Variants in SRGAP3 observed in about 807,000 individuals in gnomAD.
The protein encoded by SRGAP3 is SLIT-ROBO Rho GTPase-activating protein 3.
Under a neutral mutation model 121.1 loss-of-function variants are expected in SRGAP3, and 39 were observed. That is an observed-to-expected ratio of 0.32 (90% CI 0.25 to 0.42). The LOEUF is 0.42. Ranked by LOEUF, SRGAP3 falls within the 10% of genes least tolerant of loss-of-function variation. The pLI is 1.00. For synonymous variants in SRGAP3, 601 were observed against 570.0 expected, an observed-to-expected ratio of 1.05 and a Z score of -0.77; for missense variants, 1,213 against 1,470.6, an observed-to-expected ratio of 0.82 and a Z score of 2.86.
At chr3:8,992,842 T>C in intron 20 of SRGAP3, 64 bp downstream of exon 20, 1 of 1,613,366 alleles carries the variant, frequency 6.2e-7, no homozygotes, top group Non-Finnish European at 8.5e-7. Context: ...CCCTTGTGCT[T>C]CTCCCAAATC....
intron 1 of SRGAP3, among the ~76,000 whole-genome samples, chr3:9,226,999 C>A (rs1056812815): frequency 6.6e-6 from 1 of 152,120 alleles, no homozygotes; most frequent in African/African-American, 2.4e-5. Flanking sequence ...AAAAAACCCA[C>A]CTGCCCACAG....
chr3:9,249,699 T>C (rs2125249555), upstream of SRGAP3: 1 of 231,484 alleles, frequency 4.3e-6, no homozygotes, highest in South Asian at 1.8e-4. Context: ...GTCACTAGAC[T>C]CCGCCTCCCG....
chr3:9,204,060 C>T (rs1560411729), intron 1 of SRGAP3, among the ~76,000 whole-genome samples: 2 of 152,214 alleles, frequency 1.3e-5, no homozygotes, highest in Admixed American at 6.5e-5. Context: ...GTCTCCACCA[C>T]CACCACCCCT....
At chr3:9,089,978 G>T (rs1947679052) in intron 3 of SRGAP3, among the ~76,000 whole-genome samples, 1 of 152,166 alleles carries the variant, frequency 6.6e-6, no homozygotes, top group Non-Finnish European at 1.5e-5. Context: ...CACTACGGCA[G>T]ACAGCCAGAG....
chr3:9,029,448 T>C (rs1944371453), intron 12 of SRGAP3, among the ~76,000 whole-genome samples: 1 of 152,190 alleles, frequency 6.6e-6, no homozygotes, highest in Admixed American at 6.5e-5. Context: ...TTTATTCAGG[T>C]AGGGTCCAAG....
chr3:9,225,164 T>C (rs1315833787), intron 1 of SRGAP3, among the ~76,000 whole-genome samples: 8 of 152,152 alleles, frequency 5.3e-5, no homozygotes, highest in Admixed American at 2.6e-4. Context: ...GAGGGGCCTT[T>C]GGAGAGAACA....
chr3:9,104,158 TAG>T (rs1491468878), intron 3 of SRGAP3, among the ~76,000 whole-genome samples: 2 of 152,220 alleles, frequency 1.3e-5, no homozygotes, highest in South Asian at 2.1e-4. Context: ...GAAAATGTAA[TAG>T]AGTGTTACGT....
chr3:9,043,989 CA>C (rs1158289830), intron 10 of SRGAP3, among the ~76,000 whole-genome samples: 1 of 152,128 alleles, frequency 6.6e-6, no homozygotes, highest in Non-Finnish European at 1.5e-5. Context: ...ATTCTCTGGC[CA>C]ATAAAATGGC....
At chr3:9,059,710 T>C (rs148885254) in intron 6 of SRGAP3, 309 of 210,202 alleles carry the variant, frequency 1.5e-3, no homozygotes, top group African/African-American at 6.7e-3. Context: ...CCGTTCTCCA[T>C]TTGCTTAAGC....
chr3:9,187,595 C>T (rs1435982260), intron 1 of SRGAP3, among the ~76,000 whole-genome samples: 1 of 152,150 alleles, frequency 6.6e-6, no homozygotes, highest in Non-Finnish European at 1.5e-5. Context: ...TTACTGGCTG[C>T]CCCTTTGTGC....
intron 3 of SRGAP3, among the ~76,000 whole-genome samples, chr3:9,276,314 G>A (rs557662729): frequency 6.6e-6 from 1 of 152,144 alleles, no homozygotes; most frequent in African/African-American, 2.4e-5. Flanking sequence ...AGCTTTTCCT[G>A]TTCCTGTGAG....
At chr3:9,340,902 G>A (rs1236630046) in intron 1 of SRGAP3, among the ~76,000 whole-genome samples, 2 of 152,186 alleles carry the variant, frequency 1.3e-5, no homozygotes, top group Non-Finnish European at 2.9e-5. Flanking sequence ...CTGCTATAAC[G>A]AAATGCCATA....
intron 2 of SRGAP3, among the ~76,000 whole-genome samples, chr3:9,123,469 GGCTGAAGC>G (rs1949099015): frequency 6.6e-6 from 1 of 151,974 alleles, no homozygotes; most frequent in Non-Finnish European, 1.5e-5. Flanking sequence ...CACTTTGGGA[GGCTGAAGC>G]AGGTGGATCA....
At chr3:9,139,735 T>C (rs1369339363) in intron 1 of SRGAP3, among the ~76,000 whole-genome samples, 6 of 152,200 alleles carry the variant, frequency 3.9e-5, no homozygotes, top group African/African-American at 1.4e-4. Context: ...CACTCTGAAA[T>C]CTCTGAAGAA....
At position 9,030,726 on chromosome 3, in the gene SRGAP3, C is replaced by T. The variant is rs1270574038; in HGVS notation, c.1539+1924G>A. Among the ~76,000 whole-genome samples the T allele has an allele frequency of 2.0e-5, 3 of 152,344 alleles. No individual in the cohort carries two copies. In the East Asian group the frequency reaches 5.8e-4, roughly 29 times the overall value. On this transcript the variant is annotated intron_variant, in intron 12 of 21. Transcript: ENST00000383836. ...CAACAGAATATCTACTTGTCAAGTACTGTCAGATAAGAGTTGATTCCTTCC... is the reference window on the plus strand; with the variant it reads ...CAACAGAATATCTACTTGTCAAGTATTGTCAGATAAGAGTTGATTCCTTCC...
At chr3:9,102,934 C>T (rs1357990600) in intron 3 of SRGAP3, among the ~76,000 whole-genome samples, 6 of 152,142 alleles carry the variant, frequency 3.9e-5, no homozygotes, top group Admixed American at 1.3e-4. Flanking sequence ...CAGCAGCAGG[C>T]GGGGGCTGGG....
intron 21 of SRGAP3, among the ~76,000 whole-genome samples, chr3:8,988,234 T>A (rs2247386): frequency 0.093 from 14,107 of 152,234 alleles, 688 homozygotes; most frequent in East Asian, 0.13. Context: ...GATGGTCATG[T>A]TGCAAGTTCC....
chr3:9,043,735 G>T (rs3933080), intron 10 of SRGAP3, among the ~76,000 whole-genome samples: 26,069 of 152,072 alleles, frequency 0.17, 2,376 homozygotes, highest in Non-Finnish European at 0.21. Context: ...TAATTTTCTA[G>T]AAAGTCAGAT....
intron 3 of SRGAP3, chr3:9,081,113 A>G (rs1947224795): frequency 2.9e-6 from 1 of 340,452 alleles, no homozygotes; most frequent in Admixed American, 3.7e-5. Context: ...TTGACTGAGA[A>G]TCAGCAGCTG....
Sources: gnomAD v4.1 joint callset for allele counts (sites outside exome capture counted in the v4.1 genomes callset) on GRCh38, gnomAD v4.1.1 for gene constraint, MANE v1.5 for transcripts, NCBI Gene and HGNC (gene_info 2026-07-23, HGNC 2026-07-21) for gene names.